ABCB7: variants seen among roughly 807,000 people sequenced by gnomAD.
The protein encoded by ABCB7 is iron-sulfur clusters transporter ABCB7, mitochondrial.
Under a neutral mutation model 54.4 loss-of-function variants are expected in ABCB7, and 7 were observed. The ratio of observed to expected loss-of-function variants is 0.13; its 90% CI spans 0.07 to 0.24. ABCB7 has a LOEUF of 0.24. ABCB7 is among the 10% of genes least tolerant of loss of function. ABCB7 has a pLI of 1.00. For synonymous variants in ABCB7, 218 were observed against 207.1 expected, an observed-to-expected ratio of 1.05 and a Z score of -0.45; for missense variants, 356 against 570.4, an observed-to-expected ratio of 0.62 and a Z score of 3.83.
At chrX:75,067,240 C>T (rs933012046) in intron 12 of ABCB7, among the ~76,000 whole-genome samples, 4 of 111,296 alleles carry the variant, frequency 3.6e-5, no homozygotes, top group African/African-American at 1.3e-4. Flanking sequence ...GACACGTATC[C>T]TGTTGTTGAT....
intron 2 of ABCB7, 26 bp from the exon 3 acceptor site, chrX:75,112,998 C>G: frequency 8.8e-7 from 1 of 1,130,172 alleles, no homozygotes; most frequent in Non-Finnish European, 1.2e-6. Flanking sequence ...ACCAAGCAGT[C>G]CGTTAGCTAT....
At chrX:75,062,693 T>A in intron 13 of ABCB7, 1 of 324,200 alleles carries the variant, frequency 3.1e-6, no homozygotes, top group Non-Finnish European at 5.5e-6. Flanking sequence ...AGGTAACAAC[T>A]TTGATTCTAC....
Position 75,053,468 on chromosome X carries a change from C to T in ABCB7, c.2161G>A (p.Glu721Lys). 8.3e-7 allele frequency: 1 copy of T among 1,210,886 alleles called. No homozygotes were observed. Among genetic ancestry groups the T allele is most frequent in the Non-Finnish European group, 1.1e-6 (1 of 894,986 alleles). The change falls in exon 16 of 16, where the codon GAA becomes AAA. Residue 721 changes from glutamate (E) to lysine (K), a missense_variant. Physicochemically the swap from Glu to Lys is moderately conservative, Grantham distance 56. This residue lies in a region of ABCB7 where 241 missense variants were observed against 470.9 expected (regional missense o/e 0.51). Transcript: ENST00000373394. Reference sequence around the variant, plus strand: ...TTGGATATATTTTCTTTCTTTGCTTCCCATTTGGGGTTATCATGGTTCTGC... The same window carrying T: ...TTGGATATATTTTCTTTCTTTGCTTTCCATTTGGGGTTATCATGGTTCTGC... Reference protein sequence around the residue: ...RVQNHDNPKWEAKKENISKEE... With the variant: ...RVQNHDNPKWKAKKENISKEE...
intron 4 of ABCB7, among the ~76,000 whole-genome samples, chrX:75,079,281 G>T (rs919356760): frequency 1.8e-5 from 2 of 111,347 alleles, no homozygotes; most frequent in Non-Finnish European, 3.8e-5. Flanking sequence ...TTTTAAAAAG[G>T]TAAGAAATAT....
At chrX:75,105,509 T>C (rs1017841849) in intron 3 of ABCB7, among the ~76,000 whole-genome samples, 4 of 111,351 alleles carry the variant, frequency 3.6e-5, no homozygotes, top group African/African-American at 1.3e-4. Flanking sequence ...AAAGAAGTCA[T>C]AGATGACACA....
intron 4 of ABCB7, among the ~76,000 whole-genome samples, chrX:75,096,292 T>G (rs1271537846): frequency 8.9e-6 from 1 of 112,274 alleles, no homozygotes; most frequent in East Asian, 2.8e-4. Flanking sequence ...TTTCTTGACC[T>G]GTTGCACAGC....
chrX:75,118,819 C>T (rs1051752899), intron 1 of ABCB7, among the ~76,000 whole-genome samples: 2 of 111,715 alleles, frequency 1.8e-5, no homozygotes, highest in African/African-American at 3.3e-5. Context: ...CCATCCCCCA[C>T]TGAGAGATAA....
chrX:75,055,238 A>G (rs1024820946), intron 15 of ABCB7, among the ~76,000 whole-genome samples: 4 of 110,117 alleles, frequency 3.6e-5, no homozygotes, highest in Non-Finnish European at 7.6e-5. Flanking sequence ...TTTTTCCTAC[A>G]TTTGCTTTCT....
intron 4 of ABCB7, among the ~76,000 whole-genome samples, chrX:75,095,443 G>T (rs776084417): frequency 8.9e-6 from 1 of 112,643 alleles, no homozygotes; most frequent in Non-Finnish European, 1.9e-5. Flanking sequence ...AAACACACCT[G>T]CAATACTACT....
At chrX:75,070,241 G>T in intron 10 of ABCB7, 124 bp downstream of exon 10, 1 of 732,855 alleles carries the variant, frequency 1.4e-6, no homozygotes, top group Non-Finnish European at 2.1e-6. Flanking sequence ...CCCCACCCCT[G>T]ACAATTCCTG....
chrX:75,144,199 C>T (rs1394311084), intron 1 of ABCB7, among the ~76,000 whole-genome samples: 1 of 111,496 alleles, frequency 9.0e-6, no homozygotes, highest in African/African-American at 3.3e-5. Context: ...CCCAGAATCA[C>T]AGCCCTAAAA....
intron 6 of ABCB7, among the ~76,000 whole-genome samples, chrX:75,074,902 GT>G (rs2081393759): frequency 9.0e-6 from 1 of 110,743 alleles, no homozygotes; most frequent in Non-Finnish European, 1.9e-5. Flanking sequence ...TCACTACCTG[GT>G]GATGAAATAA....
intron 1 of ABCB7, among the ~76,000 whole-genome samples, chrX:75,117,559 G>C (rs2081833958): frequency 9.0e-6 from 1 of 110,954 alleles, no homozygotes; most frequent in Non-Finnish European, 1.9e-5. Flanking sequence ...CTAAGATTTA[G>C]GGGGTTAGAG....
At chrX:75,103,474 T>C (rs1457558755) in intron 3 of ABCB7, among the ~76,000 whole-genome samples, 3 of 111,671 alleles carry the variant, frequency 2.7e-5, no homozygotes, top group African/African-American at 9.7e-5. Context: ...TGTTGGTCTA[T>C]GTATGTGTTT....
intron 15 of ABCB7, among the ~76,000 whole-genome samples, chrX:75,055,951 T>A (rs893894154): frequency 1.8e-5 from 2 of 110,646 alleles, no homozygotes; most frequent in African/African-American, 6.6e-5. Flanking sequence ...CCTCCCAAAG[T>A]GCTGTTATTA....
chrX:75,077,646 T>C (rs1301031247), intron 4 of ABCB7, among the ~76,000 whole-genome samples: 2 of 111,973 alleles, frequency 1.8e-5, no homozygotes, highest in African/African-American at 6.5e-5. Flanking sequence ...CTATAACTGA[T>C]AGAAGCTATG....
intron 1 of ABCB7, 34 bp downstream of exon 1, chrX:75,156,071 T>C: frequency 8.3e-7 from 1 of 1,206,924 alleles, no homozygotes; most frequent in Non-Finnish European, 1.1e-6. Context: ...CCCCTTGCCC[T>C]TCACCCTATT....
chrX:75,054,744 C>A (rs999787653), intron 15 of ABCB7, among the ~76,000 whole-genome samples: 4 of 110,814 alleles, frequency 3.6e-5, no homozygotes, highest in East Asian at 5.7e-4. Flanking sequence ...CCCTTCAGAG[C>A]TTTTAGGTTG....
chrX:75,063,326 T>C (rs969967518), intron 13 of ABCB7, among the ~76,000 whole-genome samples: 4 of 111,324 alleles, frequency 3.6e-5, no homozygotes, highest in African/African-American at 1.3e-4. Flanking sequence ...GCTGACTATG[T>C]CCCTTTTGGC....
Sources: gnomAD v4.1 joint callset for allele counts (sites outside exome capture counted in the v4.1 genomes callset) on GRCh38, gnomAD v4.1.1 for gene constraint, gnomAD v4.1.1 regional missense constraint, MANE v1.5 for transcripts, NCBI Gene and HGNC (gene_info 2026-07-23, HGNC 2026-07-21) for gene names.